Variants in OR2L13 observed in about 807,000 individuals in gnomAD.
The protein encoded by OR2L13 is olfactory receptor 2L13.
A neutral mutation model predicts 15.3 loss-of-function variants in OR2L13; 14 were observed. The ratio of observed to expected loss-of-function variants is 0.91; its 90% CI spans 0.60 to 1.43. OR2L13 has a LOEUF of 1.43. Among genes scored for constraint, OR2L13 ranks in the 40% most tolerant of loss-of-function variants. OR2L13 has a pLI of 0.00. For synonymous variants in OR2L13, 152 were observed against 142.9 expected (o/e 1.06, Z -0.45); for missense variants, 367 against 387.9 (o/e 0.95, Z 0.45).
At chr1:247,943,599 A>G in the OR2L13 span, among the ~76,000 whole-genome samples, 7 of 152,124 alleles carry the variant, frequency 4.6e-5, no homozygotes, top group Non-Finnish European at 2.9e-5. Context: ...ACATAACCCC[A>G]GTGTAAATTG....
chr1:247,994,177 A>T, the OR2L13 span, among the ~76,000 whole-genome samples: 2 of 152,236 alleles, frequency 1.3e-5, no homozygotes, highest in East Asian at 3.9e-4. Flanking sequence ...CGGGCGGATC[A>T]CAGGGTCAGG....
the OR2L13 span, chr1:248,029,263 A>G: frequency 6.6e-6 from 1 of 152,206 alleles, no homozygotes; most frequent in East Asian, 1.9e-4. Context: ...ATAAAAATAC[A>G]TATCATAATG....
chr1:248,082,501 A>T, the OR2L13 span, among the ~76,000 whole-genome samples: 2 of 152,078 alleles, frequency 1.3e-5, no homozygotes, highest in Admixed American at 6.5e-5. Flanking sequence ...AGTATAATAA[A>T]AAAAAAGAAA....
At chr1:248,021,508 T>C in the OR2L13 span, among the ~76,000 whole-genome samples, 1 of 152,188 alleles carries the variant, frequency 6.6e-6, no homozygotes, top group Non-Finnish European at 1.5e-5. Context: ...TCATAAATTA[T>C]CAGTTGGATT....
At chr1:248,044,188 C>T in the OR2L13 span, among the ~76,000 whole-genome samples, 9 of 151,890 alleles carry the variant, frequency 5.9e-5, no homozygotes, top group Non-Finnish European at 1.2e-4. Context: ...TCTGACAAAA[C>T]GAGTGGACAA....
chr1:248,026,500 A>C, the OR2L13 span, among the ~76,000 whole-genome samples: 1 of 152,236 alleles, frequency 6.6e-6, no homozygotes, highest in African/African-American at 2.4e-5. Context: ...CCTTCCAGTG[A>C]AAGTCCCATT....
At chr1:247,990,973 G>A in the OR2L13 span, 65 of 1,491,210 alleles carry the variant, frequency 4.4e-5, no homozygotes, top group East Asian at 1.4e-3. Flanking sequence ...GAGGAAGAAG[G>A]CCTATTCGAC....
At chr1:248,061,448 A>C in the OR2L13 span, 1 of 1,613,994 alleles carries the variant, frequency 6.2e-7, no homozygotes, top group Non-Finnish European at 8.5e-7. Context: ...CCTTTTGTCT[A>C]CACTTATCTA....
chr1:248,083,389 G>C, the OR2L13 span: 7 of 425,340 alleles, frequency 1.6e-5, no homozygotes, highest in Non-Finnish European at 2.9e-5. Context: ...ATTGTCAACA[G>C]TACTTATATC....
chr1:247,945,509 A>G, the OR2L13 span, among the ~76,000 whole-genome samples: 1 of 152,168 alleles, frequency 6.6e-6, no homozygotes, highest in South Asian at 2.1e-4. Context: ...GTAGATATCT[A>G]TCAGGTCCAC....
chr1:248,020,725 A>G, the OR2L13 span, among the ~76,000 whole-genome samples: 1 of 152,042 alleles, frequency 6.6e-6, no homozygotes, highest in Non-Finnish European at 1.5e-5. Flanking sequence ...CCAAATAATG[A>G]TGTCTGACTT....
At chr1:248,080,927 C>A in the OR2L13 span, among the ~76,000 whole-genome samples, 3 of 152,274 alleles carry the variant, frequency 2.0e-5, no homozygotes, top group African/African-American at 7.2e-5. Context: ...TTCGTATATT[C>A]AAAGTAACTC....
At chr1:248,042,864 A>G in the OR2L13 span, among the ~76,000 whole-genome samples, 6 of 152,240 alleles carry the variant, frequency 3.9e-5, no homozygotes, top group Admixed American at 1.3e-4. Context: ...TTGAAATTTG[A>G]TATTATCAGC....
At chr1:248,022,536 A>G in the OR2L13 span, 5 of 1,614,064 alleles carry the variant, frequency 3.1e-6, no homozygotes, top group Non-Finnish European at 3.4e-6. Context: ...CTATGAGTAC[A>G]CAGTGTTTTT....
At chr1:247,957,593 G>A in the OR2L13 span, among the ~76,000 whole-genome samples, 1 of 151,894 alleles carries the variant, frequency 6.6e-6, no homozygotes, top group African/African-American at 2.4e-5. Context: ...TGGTTGGTAA[G>A]ATATTAATTA....
the OR2L13 span, among the ~76,000 whole-genome samples, chr1:248,086,796 T>G: frequency 6.6e-6 from 1 of 151,788 alleles, no homozygotes; most frequent in African/African-American, 2.4e-5. Context: ...AATAAAACAT[T>G]TTAATACTTT....
chr1:247,982,587 A>G, the OR2L13 span, among the ~76,000 whole-genome samples: 1 of 152,198 alleles, frequency 6.6e-6, no homozygotes, highest in Admixed American at 6.5e-5. Context: ...CAACTTGATT[A>G]TGTAGTATAT....
intron 1 of OR2L13, among the ~76,000 whole-genome samples, chr1:248,098,119 GT>G (rs1216552933): frequency 7.9e-5 from 12 of 151,940 alleles, no homozygotes; most frequent in Non-Finnish European, 4.4e-5. Flanking sequence ...GAATTCCTTT[GT>G]TTAATCCAAT....
chr1:248,057,229 G>A, the OR2L13 span, among the ~76,000 whole-genome samples: 1 of 152,180 alleles, frequency 6.6e-6, no homozygotes, highest in Admixed American at 6.5e-5. Context: ...AATAGTGACG[G>A]TGGGGTATTA....
Sources: gnomAD v4.1 joint callset for allele counts (sites outside exome capture counted in the v4.1 genomes callset) on GRCh38, gnomAD v4.1.1 for gene constraint, MANE v1.5 for transcripts, NCBI Gene and HGNC (gene_info 2026-07-23, HGNC 2026-07-21) for gene names.